Variants in COL6A2 observed in about 807,000 individuals in gnomAD.
The protein encoded by COL6A2 is collagen alpha-2(VI) chain.
COL6A2 carries 90 observed loss-of-function variants against 124.9 expected under a neutral mutation model. The observed-to-expected ratio is 0.72, with a 90% CI of 0.61 to 0.86. COL6A2 has a LOEUF of 0.86. Among genes scored for constraint, COL6A2 ranks in the 40% least tolerant of loss-of-function variants. COL6A2 has a pLI of 0.00. For missense variants in COL6A2, 1,607 were observed against 1,502.5 expected (o/e 1.07, Z -1.15); for synonymous variants, 793 against 618.2 (o/e 1.28, Z -4.19).
chr21:46,120,720 A>G, intron 16 of COL6A2, 143 bp downstream of exon 16: 1 of 811,114 alleles, frequency 1.2e-6, no homozygotes, highest in South Asian at 1.9e-5. Flanking sequence ...AGGGGGGCCC[A>G]GGTGAGGGCT....
chr21:46,105,491 CATA>C (rs1568920992), intron 1 of COL6A2, among the ~76,000 whole-genome samples: 1 of 152,070 alleles, frequency 6.6e-6, no homozygotes. Flanking sequence ...TTGTTTTCTA[CATA>C]ATTTAAGAGA....
intron 27 of COL6A2, 29 bp downstream of exon 27, chr21:46,126,570 C>G (rs1170861686): frequency 2.5e-6 from 4 of 1,612,990 alleles, no homozygotes; most frequent in East Asian, 2.2e-5. Flanking sequence ...AGCCACCACC[C>G]CAGACTAGCA....
intron 4 of COL6A2, chr21:46,113,579 G>C: frequency 4.2e-6 from 1 of 236,286 alleles, no homozygotes; most frequent in Admixed American, 5.0e-5. Context: ...GGCTGAGGTG[G>C]GAGGATCGCT....
chr21:46,130,693 G>A (rs777139115), intron 27 of COL6A2, among the ~76,000 whole-genome samples: 1 of 152,210 alleles, frequency 6.6e-6, no homozygotes, highest in Non-Finnish European at 1.5e-5. Context: ...TTGCATGTCT[G>A]TCTCCATATG....
chr21:46,128,611 C>T (rs114207511), intron 27 of COL6A2, among the ~76,000 whole-genome samples: 82 of 152,330 alleles, frequency 5.4e-4, no homozygotes, highest in Admixed American at 7.2e-4. Flanking sequence ...ACAAACCAGA[C>T]GCAGCTGAAG....
intron 14 of COL6A2, among the ~76,000 whole-genome samples, chr21:46,119,324 G>A (rs899797902): frequency 8.5e-5 from 13 of 152,048 alleles, no homozygotes; most frequent in Non-Finnish European, 1.8e-4. Context: ...GCCCAGGCAG[G>A]TCCTCCATGG....
At chr21:46,118,474 C>T in intron 12 of COL6A2, 140 bp from the exon 13 acceptor site, 1 of 766,542 alleles carries the variant, frequency 1.3e-6, no homozygotes, top group Admixed American at 2.1e-5. Context: ...CCCCAGCCAG[C>T]ATCTGGCATC....
At chr21:46,128,597 A>G (rs1453331587) in intron 27 of COL6A2, among the ~76,000 whole-genome samples, 1 of 152,204 alleles carries the variant, frequency 6.6e-6, no homozygotes, top group East Asian at 1.9e-4. Context: ...AGGGTGCTGG[A>G]GAAACAAACC....
intron 21 of COL6A2, among the ~76,000 whole-genome samples, chr21:46,123,987 GGGTAGGTGGGTGGATGGATGGTTA>G (rs2078615967): frequency 6.6e-6 from 1 of 151,058 alleles, no homozygotes; most frequent in Admixed American, 6.6e-5. Flanking sequence ...GTGGGGGGAT[GGGTAGGTGGGTGGATGGATGGTTA>G]GGTGAATGAG....
Position 46,116,608 on chromosome 21 carries a change from T to C in COL6A2, c.928-43T>C. On this transcript the variant is annotated intron_variant, in intron 8 of 27. Transcript: ENST00000300527. The surrounding 1 kb of genome is among the most constrained non-coding windows in gnomAD (Gnocchi z 4.6). ...CCAGAGGCAGCAGTGCCCATGATGCTTTGAGGCACCGAGCTCACTGCGCCG... is the reference window on the plus strand; with the variant it reads ...CCAGAGGCAGCAGTGCCCATGATGCCTTGAGGCACCGAGCTCACTGCGCCG... 6.2e-7 allele frequency: 1 copy of C among 1,612,674 alleles called. No homozygotes were observed. Among genetic ancestry groups the C allele is most frequent in the Non-Finnish European group, 8.5e-7 (1 of 1,179,892 alleles).
chr21:46,121,099 A>C lies in COL6A2; in HGVS notation c.1434A>C (p.Gly478=). 2 of 1,612,724 alleles carry C rather than the reference A, an allele frequency of 1.2e-6. No homozygotes were observed. Among genetic ancestry groups the C allele is most frequent in the Non-Finnish European group, 1.7e-6 (2 of 1,179,932 alleles). Reference sequence around the variant, plus strand: ...TGCCTGGACCCAGAGGCCCCCAGGGAGCTCTTGGGGAGCCCGGAAAGCAGG... The same window carrying C: ...TGCCTGGACCCAGAGGCCCCCAGGGCGCTCTTGGGGAGCCCGGAAAGCAGG... ...RGLPGPRGPQ[G]ALGEPGKQGS... The change falls in exon 17 of 28, where the codon GGA becomes GGC. Residue 478 remains glycine (G), a synonymous_variant. Coordinates refer to ENST00000300527, the MANE Select transcript of COL6A2 (RefSeq NM_001849.4).
intron 27 of COL6A2, among the ~76,000 whole-genome samples, chr21:46,131,043 C>T (rs1307342723): frequency 3.9e-5 from 6 of 152,232 alleles, no homozygotes; most frequent in African/African-American, 1.2e-4. Flanking sequence ...GGTCAGGGTC[C>T]TCTGTGTGCA....
intron 27 of COL6A2, chr21:46,129,584 A>G: frequency 6.9e-7 from 1 of 1,447,274 alleles, no homozygotes; most frequent in Non-Finnish European, 9.1e-7. Flanking sequence ...TGGAGGCCAG[A>G]GATCTGGAAT....
chr21:46,128,169 A>C (rs2078702473), intron 27 of COL6A2, among the ~76,000 whole-genome samples: 1 of 152,134 alleles, frequency 6.6e-6, no homozygotes, highest in African/African-American at 2.4e-5. Flanking sequence ...CACTCAGGCC[A>C]CCAGAGCACC....
chr21:46,119,770 C>G lies in COL6A2; in HGVS notation c.1270-18C>G, dbSNP rs1489872889. On this transcript the variant is annotated intron_variant, in intron 14 of 27. Transcript: ENST00000300527. ...TGGACTCAGCCCCCTCCCTCACCCACACGCCTGTTCTCTGCAGGGGCGCAG... is the reference window on the plus strand; with the variant it reads ...TGGACTCAGCCCCCTCCCTCACCCAGACGCCTGTTCTCTGCAGGGGCGCAG... The G allele has an allele frequency of 6.4e-7, 1 of 1,555,972 alleles. No individual in the cohort carries two copies. Among genetic ancestry groups the G allele is most frequent in the East Asian group, 2.4e-5 (1 of 42,098 alleles).
chr21:46,124,454 G>A (rs1039367469), intron 21 of COL6A2, among the ~76,000 whole-genome samples, 197 bp from the exon 22 acceptor site: 2 of 152,074 alleles, frequency 1.3e-5, no homozygotes, highest in African/African-American at 4.8e-5. Flanking sequence ...GGCTCTGACG[G>A]TGGCCACTCA....
chr21:46,129,605 G>A (rs574903004), intron 27 of COL6A2: 189 of 1,434,676 alleles, frequency 1.3e-4, no homozygotes, highest in African/African-American at 5.2e-4. Flanking sequence ...CGGGGTCAGC[G>A]GGGCTACAGT....
chr21:46,128,941 G>A, intron 27 of COL6A2: 2 of 1,611,740 alleles, frequency 1.2e-6, no homozygotes, highest in Non-Finnish European at 1.7e-6. Context: ...GGTTTTCTCG[G>A]GGTCCGTGGT....
chr21:46,125,182 C>G, intron 23 of COL6A2, 84 bp from the exon 24 acceptor site: 1 of 1,366,006 alleles, frequency 7.3e-7, no homozygotes, highest in Non-Finnish European at 1.0e-6. Flanking sequence ...GCTGGAATGT[C>G]CCGGGACCCC....
Sources: gnomAD v4.1 joint callset for allele counts (sites outside exome capture counted in the v4.1 genomes callset) on GRCh38, gnomAD v4.1.1 for gene constraint, Gnocchi (gnomAD v3.1) non-coding constraint, MANE v1.5 for transcripts, NCBI Gene and HGNC (gene_info 2026-07-23, HGNC 2026-07-21) for gene names.